The following KIAA1671 variants were observed in gnomAD, a reference collection of about 807,000 sequenced individuals.
KIAA1671 encodes uncharacterized protein KIAA1671.
In KIAA1671, 52 loss-of-function variants were observed where a neutral mutation model predicts 131.2. The ratio of observed to expected loss-of-function variants is 0.40; its 90% CI spans 0.32 to 0.50. KIAA1671 has a LOEUF of 0.50. Ranked by LOEUF, KIAA1671 falls within the 20% of genes least tolerant of loss-of-function variation. The pLI, the probability that KIAA1671 is intolerant of heterozygous loss-of-function variation, is 0.73. For missense variants in KIAA1671, 2,360 were observed against 2,364.2 expected (o/e 1.00, Z 0.04); for synonymous variants, 1,003 against 961.6 (o/e 1.04, Z -0.80).
In KIAA1671 at chr22:25,045,886, C is replaced by T. The variant is rs908290996; in HGVS notation, c.4396-3344C>T. Among the ~76,000 whole-genome samples the T allele has an allele frequency of 2.7e-4, 41 of 152,320 alleles. No homozygotes were observed. The East Asian group carries it at 6.2e-3, about 23-fold the overall frequency. ...AATTACAGGCGTGAGCCACTGCACCCGGCCTCCCCTTCCTCTTTTTAATGG... is the reference window on the plus strand; with the variant it reads ...AATTACAGGCGTGAGCCACTGCACCTGGCCTCCCCTTCCTCTTTTTAATGG... On this transcript the variant is annotated intron_variant, in intron 5 of 12. Coordinates refer to ENST00000358431, the MANE Select transcript of KIAA1671 (RefSeq NM_001145206.2).
chr22:25,182,188 AC>A (rs1405712811), intron 10 of KIAA1671, among the ~76,000 whole-genome samples: 1 of 150,260 alleles, frequency 6.7e-6, no homozygotes, highest in Non-Finnish European at 1.5e-5. Context: ...CAAAAAAAAA[AC>A]AAAAAACAAA....
chr22:25,023,725 T>G, intron 1 of KIAA1671: 1 of 152,038 alleles, frequency 6.6e-6, no homozygotes, highest in East Asian at 1.9e-4. Flanking sequence ...GGCGGGCGGA[T>G]CACAAAGTCA....
At chr22:25,056,993 C>T (rs1602104154) in intron 6 of KIAA1671, 1 of 152,198 alleles carries the variant, frequency 6.6e-6, no homozygotes, top group African/African-American at 2.4e-5. Flanking sequence ...AACACCATCC[C>T]ATTATCCGTC....
intron 1 of KIAA1671, among the ~76,000 whole-genome samples, chr22:24,996,529 A>C (rs2123854551): frequency 6.6e-6 from 1 of 152,140 alleles, no homozygotes; most frequent in Admixed American, 6.5e-5. Context: ...GTTCCCTAGA[A>C]GGAGAGCTTG....
intron 6 of KIAA1671, among the ~76,000 whole-genome samples, chr22:25,076,353 G>C (rs1039675874): frequency 1.3e-5 from 2 of 151,974 alleles, no homozygotes; most frequent in South Asian, 2.1e-4. Context: ...TTCACATTTC[G>C]AGCTGTCTCC....
intron 1 of KIAA1671, among the ~76,000 whole-genome samples, chr22:25,015,610 A>G (rs908784982): frequency 1.3e-5 from 2 of 152,214 alleles, no homozygotes; most frequent in African/African-American, 4.8e-5. Flanking sequence ...AGGGCCTAAA[A>G]GGCAAATCAG....
chr22:24,985,005 C>G (rs1399787564), intron 1 of KIAA1671, among the ~76,000 whole-genome samples: 2 of 151,220 alleles, frequency 1.3e-5, no homozygotes, highest in African/African-American at 4.9e-5. Flanking sequence ...GTTATAGTAT[C>G]CTAGGCCCCG....
At chr22:25,045,926 A>G (rs1324146966) in intron 5 of KIAA1671, among the ~76,000 whole-genome samples, 1 of 151,022 alleles carries the variant, frequency 6.6e-6, no homozygotes, top group East Asian at 2.0e-4. Flanking sequence ...GAAGTATTGT[A>G]TTATGTGACT....
chr22:25,086,723 C>T (rs1488413832), intron 6 of KIAA1671, among the ~76,000 whole-genome samples: 2 of 152,160 alleles, frequency 1.3e-5, no homozygotes, highest in East Asian at 1.9e-4. Flanking sequence ...AAAGGCCGGC[C>T]AGAGAGCTGT....
chr22:25,057,385 T>C (rs1173944894), intron 6 of KIAA1671: 1 of 145,946 alleles, frequency 6.9e-6, no homozygotes, highest in Non-Finnish European at 1.5e-5. Context: ...GAGAGATGAG[T>C]GAATGACAGG....
chr22:24,959,529 A>G lies in KIAA1671; in HGVS notation c.-208+6757A>G, dbSNP rs538214878. On this transcript the variant is annotated intron_variant, in intron 1 of 12. Coordinates refer to ENST00000358431, the MANE Select transcript of KIAA1671 (RefSeq NM_001145206.2). ...AGAGTGAGACTCTGTCTCAAAAAGTAAAAATAAAAGGAAGCTAACAAACAA... is the reference window on the plus strand; with the variant it reads ...AGAGTGAGACTCTGTCTCAAAAAGTGAAAATAAAAGGAAGCTAACAAACAA... Among the ~76,000 whole-genome samples, 39 of 152,000 alleles carry G rather than the reference A, an allele frequency of 2.6e-4. 1 individual carries two copies. The South Asian group carries it at 5.2e-3, about 20-fold the overall frequency.
At chr22:25,098,011 C>T (rs738326) in intron 6 of KIAA1671, among the ~76,000 whole-genome samples, 13,636 of 152,184 alleles carry the variant, frequency 0.09, 797 homozygotes, top group South Asian at 0.19. Context: ...GGGTGCATCA[C>T]GAGGAAGACT....
chr22:25,142,631 G>A (rs536274892), intron 6 of KIAA1671, among the ~76,000 whole-genome samples: 3 of 152,342 alleles, frequency 2.0e-5, no homozygotes, highest in Admixed American at 6.5e-5. Context: ...CAGCACTTTG[G>A]GAGGCCGAGG....
At chr22:25,162,724 G>A (rs993927211) in intron 6 of KIAA1671, among the ~76,000 whole-genome samples, 1 of 152,152 alleles carries the variant, frequency 6.6e-6, no homozygotes, top group African/African-American at 2.4e-5. Flanking sequence ...AAATCTAGCC[G>A]GCTACTTCTT....
At chr22:25,106,835 C>T (rs1931028958) in intron 6 of KIAA1671, among the ~76,000 whole-genome samples, 1 of 152,218 alleles carries the variant, frequency 6.6e-6, no homozygotes, top group South Asian at 2.1e-4. Flanking sequence ...GCATGGCTTG[C>T]ACTGCACTGA....
At chr22:25,108,023 A>T (rs999809171) in intron 6 of KIAA1671, among the ~76,000 whole-genome samples, 1 of 152,148 alleles carries the variant, frequency 6.6e-6, no homozygotes, top group South Asian at 2.1e-4. Flanking sequence ...AAAATTATAG[A>T]TATCAGTACA....
chr22:25,112,115 C>T (rs1187319197), intron 6 of KIAA1671: 1 of 398,338 alleles, frequency 2.5e-6, no homozygotes, highest in South Asian at 1.4e-4. Context: ...CAAGAGGACA[C>T]TGGCGTTTTA....
intron 6 of KIAA1671, among the ~76,000 whole-genome samples, chr22:25,113,178 G>C (rs1931463173): frequency 6.6e-6 from 1 of 152,176 alleles, no homozygotes; most frequent in African/African-American, 2.4e-5. Flanking sequence ...CCCAGAAAGC[G>C]AAAGTGCCTA....
intron 6 of KIAA1671, among the ~76,000 whole-genome samples, chr22:25,067,984 C>T (rs981341289): frequency 6.6e-5 from 10 of 152,282 alleles, no homozygotes; most frequent in African/African-American, 2.2e-4. Flanking sequence ...CTGGCATCAT[C>T]CCTCCAGCGG....
Sources: gnomAD v4.1 joint callset for allele counts (sites outside exome capture counted in the v4.1 genomes callset) on GRCh38, gnomAD v4.1.1 for gene constraint, MANE v1.5 for transcripts, NCBI Gene and HGNC (gene_info 2026-07-23, HGNC 2026-07-21) for gene names.